SLC39A9: variants seen among roughly 807,000 people sequenced by gnomAD.
SLC39A9 encodes solute carrier family 39 member 9.
In SLC39A9, 14 loss-of-function variants were observed where a neutral mutation model predicts 28.4. The observed-to-expected ratio is 0.49, with a 90% confidence interval of 0.33 to 0.77. SLC39A9 has a LOEUF of 0.77. Ranked by LOEUF, SLC39A9 falls within the 30% of genes least tolerant of loss-of-function variation. The pLI is 0.02. For missense variants in SLC39A9, 283 were observed against 381.1 expected (o/e 0.74, Z 2.14); for synonymous variants, 119 against 149.6 (o/e 0.80, Z 1.49).
intron 1 of SLC39A9, among the ~76,000 whole-genome samples, chr14:69,401,882 C>T (rs1399712888): frequency 6.6e-6 from 1 of 152,080 alleles, no homozygotes; most frequent in Admixed American, 6.6e-5. Context: ...ATTTCTATCT[C>T]CTAGGAACTA....
intron 3 of SLC39A9, among the ~76,000 whole-genome samples, chr14:69,446,943 T>G (rs201866678): frequency 0.16 from 21,021 of 130,862 alleles, 1,839 homozygotes; most frequent in South Asian, 0.24. Context: ...TATATATATA[T>G]ATATAGAGAG....
intron 1 of SLC39A9, among the ~76,000 whole-genome samples, chr14:69,416,121 C>T: frequency 6.6e-6 from 1 of 151,954 alleles, no homozygotes; most frequent in Non-Finnish European, 1.5e-5. Context: ...ACCCTGTGTC[C>T]AAGTGTTACC....
At chr14:69,450,420 TGAAA>T (rs1322265681) in intron 3 of SLC39A9, among the ~76,000 whole-genome samples, 1 of 152,150 alleles carries the variant, frequency 6.6e-6, no homozygotes, top group Non-Finnish European at 1.5e-5. Flanking sequence ...CTCAGTAAGT[TGAAA>T]GAAATTTCCA....
chr14:69,458,924 T>C lies in SLC39A9; in HGVS notation c.*331T>C. On this transcript the variant is annotated 3_prime_UTR_variant, in exon 7 of 7. Coordinates refer to ENST00000336643, the MANE Select transcript of SLC39A9 (RefSeq NM_018375.5). ...AAAGAGGAGAACTTCATACTCACAA[T>C]GAAATAGTGATTATGAAAATACAGT... 1 of 1,048,162 alleles carries C rather than the reference T, an allele frequency of 9.5e-7. No homozygotes were observed. The highest frequency in any genetic ancestry group is 1.2e-6 in the Non-Finnish European group (1 of 869,012). 64.9% of individuals were successfully genotyped at this position (1,048,162 alleles called of 1,614,324 possible).
At chr14:69,435,315 A>G (rs1166720716) in intron 2 of SLC39A9, among the ~76,000 whole-genome samples, 1 of 152,136 alleles carries the variant, frequency 6.6e-6, no homozygotes, top group Non-Finnish European at 1.5e-5. Context: ...ATTCCTGGTA[A>G]TATTTCTTGT....
intron 2 of SLC39A9, among the ~76,000 whole-genome samples, chr14:69,426,520 G>A (rs1401806139): frequency 1.3e-5 from 2 of 152,218 alleles, no homozygotes; most frequent in Non-Finnish European, 2.9e-5. Flanking sequence ...CACCCTCCTG[G>A]CACATGGATG....
intron 2 of SLC39A9, among the ~76,000 whole-genome samples, chr14:69,440,560 G>A (rs1480743220): frequency 1.3e-5 from 2 of 152,148 alleles, no homozygotes; most frequent in Non-Finnish European, 2.9e-5. Context: ...AGTCTAGTCT[G>A]GGTGAAAGGG....
chr14:69,443,730 C>G (rs2139430042), intron 3 of SLC39A9, among the ~76,000 whole-genome samples: 1 of 152,114 alleles, frequency 6.6e-6, no homozygotes, highest in East Asian at 1.9e-4. Context: ...ATTAGCTGAG[C>G]ATAGTGGTAC....
intron 1 of SLC39A9, among the ~76,000 whole-genome samples, chr14:69,416,704 G>A (rs551651266): frequency 1.3e-5 from 2 of 152,280 alleles, no homozygotes; most frequent in South Asian, 2.1e-4. Flanking sequence ...GTTTTGATTT[G>A]CATTTCTCTG....
chr14:69,438,736 G>GACCCAAT (rs1884900451), intron 2 of SLC39A9, among the ~76,000 whole-genome samples: 1 of 152,158 alleles, frequency 6.6e-6, no homozygotes, highest in Non-Finnish European at 1.5e-5. Flanking sequence ...GTAGACTATT[G>GACCCAAT]GGTCAAAGAT....
In SLC39A9 at chr14:69,423,971, G is replaced by A. The variant is rs145976128; in HGVS notation, c.97-123G>A. The A allele has an allele frequency of 1.0e-3, 590 of 587,164 alleles. 3 individuals carry two copies. The African/African-American group carries it at 0.01, about 10-fold the overall frequency. 36.4% of individuals were successfully genotyped at this position (587,164 alleles called of 1,614,324 possible). A position where few individuals can be genotyped will look rare whatever the true frequency, so the allele number is the denominator to read the frequency against. On this transcript the variant is annotated intron_variant, in intron 1 of 6. Transcript: ENST00000336643. ...ATGCAATTGATCATTTTTCATCTTC[G>A]CTGTCTATTGTAGATGTTGGTCTCA...
intron 1 of SLC39A9, among the ~76,000 whole-genome samples, chr14:69,423,830 G>A (rs528365431): frequency 4.8e-4 from 73 of 150,722 alleles, no homozygotes; most frequent in African/African-American, 1.7e-3. Flanking sequence ...CTTGGGAGGC[G>A]AAGGCTGCAG....
Position 69,399,386 on chromosome 14 carries a change from C to T in SLC39A9, c.17C>T (p.Ser6Phe). The part of the protein sequence containing the change: MDDFI[S>F]ISLLSLAMLV... The stretch of plus-strand genomic sequence containing the variant: ...GAGGGCAGAATGGATGATTTCATCT[C>T]CATTAGCCTGCTGTCTCTGGCTATG... Residue 6 changes from serine (S) to phenylalanine (F), a missense_variant, in exon 1 of 7, where the codon TCC becomes TTC. Transcript: ENST00000336643. 6.2e-7 allele frequency: 1 copy of T among 1,613,998 alleles called. No individual in the cohort carries two copies. Among genetic ancestry groups the T allele is most frequent in the South Asian group, 1.1e-5 (1 of 91,048 alleles).
chr14:69,429,141 G>T (rs1418562273), intron 2 of SLC39A9: 4 of 152,212 alleles, frequency 2.6e-5, no homozygotes, highest in Admixed American at 6.5e-5. Flanking sequence ...AAAAAAGACT[G>T]CATTGACATG....
Position 69,437,155 on chromosome 14 carries a change from C to T in SLC39A9, c.206-4914C>T, listed in dbSNP as rs190789449. On this transcript the variant is annotated intron_variant, in intron 2 of 6. Transcript: ENST00000336643. ...GTGCTGGGATTACAAGCGTGAGCCA[C>T]CGCGCCCGGCCTGGGATCCCTTTTT... is the stretch of plus-strand genomic sequence containing the variant. Among the ~76,000 whole-genome samples, 620 of 152,214 alleles carry T rather than the reference C, an allele frequency of 4.1e-3. 6 individuals carry two copies. The highest frequency in any genetic ancestry group is 0.014 in the African/African-American group (597 of 41,534).
In SLC39A9 at chr14:69,460,432, T is replaced by C. The variant is rs1198197246; in HGVS notation, c.*1839T>C. The C allele has an allele frequency of 1.0e-6, 1 of 985,324 alleles. No homozygotes were observed. Among genetic ancestry groups the C allele is most frequent in the African/African-American group, 1.7e-5 (1 of 57,236 alleles). 61.0% of individuals were successfully genotyped at this position (985,324 alleles called of 1,614,324 possible). A position where few individuals can be genotyped will look rare whatever the true frequency, so the allele number is the denominator to read the frequency against. ...GGAAAGTCCAAATGACTTCCTTGAT[T>C]GGATGTTAACAGCTGACTGGTGTGA... is the stretch of plus-strand genomic sequence containing the variant. On this transcript the variant is annotated 3_prime_UTR_variant, in exon 7 of 7. Transcript: ENST00000336643.
At chr14:69,440,701 G>A (rs914611033) in intron 2 of SLC39A9, among the ~76,000 whole-genome samples, 2 of 152,278 alleles carry the variant, frequency 1.3e-5, no homozygotes, top group East Asian at 1.9e-4. Flanking sequence ...TTGAGACAGA[G>A]TCTCCCTCTG....
rs34195562 is a variant in SLC39A9 at position 69,448,214 on chromosome 14, CAAAAAAAAA to C, written c.404-5016_404-5008del. On this transcript the variant is annotated intron_variant, in intron 3 of 6. Coordinates refer to ENST00000336643, the MANE Select transcript of SLC39A9 (RefSeq NM_018375.5). The stretch of plus-strand genomic sequence containing the variant: ...TGGGCAACAAAGTGAGACTCTGTCT[CAAAAAAAAA>C]AAAAAAAAAAGCACAAAAAAAAATT... Among the ~76,000 whole-genome samples, 4 of 87,230 alleles carry C rather than the reference CAAAAAAAAA, an allele frequency of 4.6e-5. No individual in the cohort carries two copies. In the South Asian group the frequency reaches 1.9e-3, roughly 42 times the overall value. 57.2% of individuals were successfully genotyped at this position (87,230 alleles called of 152,430 possible).
intron 3 of SLC39A9, among the ~76,000 whole-genome samples, chr14:69,450,671 A>G (rs73275020): frequency 0.048 from 7,267 of 152,234 alleles, 607 homozygotes; most frequent in African/African-American, 0.17. Context: ...ACAGCTACTC[A>G]GGTGGCTGAG....
Sources: allele counts gnomAD v4.1 joint callset (sites outside exome capture counted in the v4.1 genomes callset), GRCh38; gene constraint gnomAD v4.1.1; transcripts MANE v1.5; gene names NCBI Gene and HGNC (gene_info 2026-07-23, HGNC 2026-07-21).